Variants in CAPS2 observed in about 807,000 individuals in gnomAD.
CAPS2 encodes the protein calcyphosin-2.
Under a neutral mutation model 86.5 loss-of-function variants are expected in CAPS2, and 98 were observed. The observed-to-expected ratio is 1.13, with a 90% CI of 0.96 to 1.34. CAPS2 has a LOEUF of 1.34. Among genes scored for constraint, CAPS2 ranks in the 40% most tolerant of loss-of-function variants. CAPS2 has a pLI of 0.00. For synonymous variants in CAPS2, 210 were observed against 225.1 expected (o/e 0.93, Z 0.60); for missense variants, 729 against 686.8 (o/e 1.06, Z -0.69).
At chr12:75,389,447 C>T (rs554222581) in intron 1 of CAPS2, among the ~76,000 whole-genome samples, 4 of 152,256 alleles carry the variant, frequency 2.6e-5, no homozygotes, top group Admixed American at 1.3e-4. Flanking sequence ...AGTGATGTTC[C>T]GGAGAGTATA....
chr12:75,282,304 A>G, exon 16 of CAPS2: 2 of 1,608,504 alleles, frequency 1.2e-6, no homozygotes, highest in South Asian at 2.2e-5. Context: ...TATGTTTATA[A>G]TAGGCACACT....
chr12:75,294,086 C>A (rs1006118640), intron 11 of CAPS2, among the ~76,000 whole-genome samples: 9 of 152,056 alleles, frequency 5.9e-5, no homozygotes, highest in Non-Finnish European at 1.0e-4. Context: ...TGCCCACCAC[C>A]ACGCCCGGCT....
chr12:75,383,102 T>G (rs1316267010), intron 1 of CAPS2, among the ~76,000 whole-genome samples: 2 of 152,248 alleles, frequency 1.3e-5, no homozygotes, highest in African/African-American at 4.8e-5. Context: ...TTCATGAAAC[T>G]ATGATTAAAT....
In CAPS2 at chr12:75,291,868, T is replaced by C. The variant is rs1261644271; in HGVS notation, c.1164-48A>G. The C allele has an allele frequency of 3.1e-6, 3 of 964,016 alleles. No homozygotes were observed. In the South Asian group the frequency reaches 5.1e-5, roughly 16 times the overall value. The allele number at this position is 964,016 out of a possible 1,614,324, so 59.7% of individuals were successfully genotyped here. Reference sequence around the variant, plus strand: ...GATGAAATATATATATATTCTATTTTACAATCTTGAGTATAAAACCTCTAA... The same window carrying C: ...GATGAAATATATATATATTCTATTTCACAATCTTGAGTATAAAACCTCTAA... On this transcript the variant is annotated intron_variant, in intron 12 of 16. Transcript: ENST00000393284.
exon 17 of CAPS2, chr12:75,278,698 A>G (rs1406708528): frequency 7.7e-7 from 1 of 1,301,026 alleles, no homozygotes; most frequent in Non-Finnish European, 9.7e-7. Flanking sequence ...ACACCCCTAC[A>G]TCTATCTTTC....
rs185395766 is a variant in CAPS2 at position 75,292,223 on chromosome 12, C to T, written c.1164-403G>A. Among the ~76,000 whole-genome samples the T allele has an allele frequency of 4.0e-3, 611 of 152,022 alleles. 4 individuals are homozygous for T. Among genetic ancestry groups the T allele is most frequent in the Non-Finnish European group, 4.3e-3 (293 of 67,970 alleles). On this transcript the variant is annotated intron_variant, in intron 12 of 16. Coordinates refer to ENST00000393284, the Ensembl canonical transcript of CAPS2. ...CTGGGACTACAGGCACCTGCCACCA[C>T]GCCCAGCTAATTTTTGTATTTTTTA... is the stretch of plus-strand genomic sequence containing the variant.
intron 15 of CAPS2, among the ~76,000 whole-genome samples, chr12:75,282,550 C>G (rs1351360733): frequency 6.6e-6 from 1 of 152,116 alleles, no homozygotes; most frequent in African/African-American, 2.4e-5. Flanking sequence ...CCACACCTAG[C>G]TATTTTTTGT....
intron 1 of CAPS2, among the ~76,000 whole-genome samples, chr12:75,336,319 C>G (rs920578094): frequency 3.3e-5 from 5 of 151,684 alleles, no homozygotes; most frequent in Admixed American, 6.6e-5. Context: ...TTAAAAATAG[C>G]AAATGGTAGA....
At chr12:75,290,299 T>C (rs368842200) in intron 13 of CAPS2, among the ~76,000 whole-genome samples, 32 of 152,242 alleles carry the variant, frequency 2.1e-4, no homozygotes, top group African/African-American at 6.8e-4. Flanking sequence ...CCTATACTTA[T>C]ATATTTCATA....
At chr12:75,376,670 C>T (rs182254136) in intron 1 of CAPS2, among the ~76,000 whole-genome samples, 1 of 152,330 alleles carries the variant, frequency 6.6e-6, no homozygotes, top group East Asian at 1.9e-4. Flanking sequence ...AGCCTCATCC[C>T]TCATCAGGGT....
At chr12:75,346,659 TTTAAG>T (rs2042469845) in intron 1 of CAPS2, among the ~76,000 whole-genome samples, 1 of 152,160 alleles carries the variant, frequency 6.6e-6, no homozygotes, top group African/African-American at 2.4e-5. Flanking sequence ...AAATCTCGTT[TTTAAG>T]TTCTCAGTTC....
At chr12:75,311,388 T>A (rs1215709243) in intron 7 of CAPS2, among the ~76,000 whole-genome samples, 3 of 152,134 alleles carry the variant, frequency 2.0e-5, no homozygotes, top group Non-Finnish European at 4.4e-5. Flanking sequence ...TTTTAGGTCT[T>A]AGTAACATGA....
intron 14 of CAPS2, among the ~76,000 whole-genome samples, chr12:75,287,679 G>A (rs533367034): frequency 7.9e-5 from 12 of 152,254 alleles, no homozygotes; most frequent in East Asian, 7.7e-4. Flanking sequence ...CTCTTTTCCC[G>A]ATACTTTGCG....
intron 1 of CAPS2, among the ~76,000 whole-genome samples, chr12:75,351,197 G>A (rs2042786037): frequency 6.6e-6 from 1 of 152,140 alleles, no homozygotes; most frequent in Non-Finnish European, 1.5e-5. Context: ...ATGTAAGATT[G>A]AACCTATGAC....
In CAPS2 at chr12:75,316,441, A is replaced by G; in HGVS notation, c.469-7T>C. 1.3e-6 allele frequency: 2 copies of G among 1,531,020 alleles called. No individual in the cohort carries two copies. Among genetic ancestry groups the G allele is most frequent in the Non-Finnish European group, 1.8e-6 (2 of 1,138,848 alleles). 94.8% of individuals were successfully genotyped at this position (1,531,020 alleles called of 1,614,324 possible). On this transcript the variant is annotated splice_polypyrimidine_tract_variant and splice_region_variant and intron_variant, in intron 5 of 16. Coordinates refer to ENST00000393284, the Ensembl canonical transcript of CAPS2. ...CTTCTTCATCTTGCACACACTATGCATGAAAGAAATAAATGAAGCATCATA... is the reference window on the plus strand; with the variant it reads ...CTTCTTCATCTTGCACACACTATGCGTGAAAGAAATAAATGAAGCATCATA...
rs761989446 is a variant in CAPS2 at position 75,325,197 on chromosome 12, T to C, written c.131+42A>G. The C allele has an allele frequency of 2.0e-5, 30 of 1,522,458 alleles. No individual in the cohort carries two copies. In the Admixed American group the frequency reaches 5.2e-4, roughly 27 times the overall value. 94.3% of individuals were successfully genotyped at this position (1,522,458 alleles called of 1,614,324 possible). A position where few individuals can be genotyped will look rare whatever the true frequency, so the allele number is the denominator to read the frequency against. On this transcript the variant is annotated intron_variant, in intron 2 of 16. Coordinates refer to ENST00000393284, the Ensembl canonical transcript of CAPS2. ...TTAACTAGTCAATGTATGTTATATA[T>C]GTGCCCATTAAACAGTCCAAATGTG...
At chr12:75,367,991 A>C (rs1318326564) in intron 1 of CAPS2, among the ~76,000 whole-genome samples, 1 of 152,058 alleles carries the variant, frequency 6.6e-6, no homozygotes, top group Non-Finnish European at 1.5e-5. Flanking sequence ...CTGAGTTTTT[A>C]ATTTGAATAA....
intron 7 of CAPS2, among the ~76,000 whole-genome samples, chr12:75,312,333 A>G (rs1243586237): frequency 6.6e-6 from 1 of 152,206 alleles, no homozygotes; most frequent in African/African-American, 2.4e-5. Context: ...GGTAGTTCAC[A>G]GTTTCAACAA....
At chr12:75,364,529 C>T (rs1357720880) in intron 1 of CAPS2, among the ~76,000 whole-genome samples, 4 of 152,152 alleles carry the variant, frequency 2.6e-5, no homozygotes, top group Non-Finnish European at 5.9e-5. Context: ...ATGTTCCAGC[C>T]CAGATGGGAA....
Sources: allele counts gnomAD v4.1 joint callset (sites outside exome capture counted in the v4.1 genomes callset), GRCh38; gene constraint gnomAD v4.1.1; transcripts MANE v1.5; gene names NCBI Gene and HGNC (gene_info 2026-07-23, HGNC 2026-07-21).